Variants in DLC1 observed in about 807,000 individuals in gnomAD.
DLC1 encodes rho GTPase-activating protein 7.
Under a neutral mutation model 140.3 loss-of-function variants are expected in DLC1, and 54 were observed. That is an observed-to-expected ratio of 0.38 (90% CI 0.31 to 0.48). The LOEUF (loss-of-function observed/expected upper bound fraction) is 0.48. Ranked by LOEUF, DLC1 falls within the 20% of genes least tolerant of loss-of-function variation. DLC1 has a pLI of 0.96. For missense variants in DLC1, 2,536 were observed against 1,907.0 expected (o/e 1.33, Z -6.14); for synonymous variants, 986 against 728.1 (o/e 1.35, Z -5.70).
intron 5 of DLC1, among the ~76,000 whole-genome samples, chr8:13,185,433 G>C (rs202097172): frequency 6.6e-6 from 1 of 151,640 alleles, no homozygotes; most frequent in Admixed American, 6.6e-5. Context: ...TCAGCCTCCC[G>C]ACTAGCTGGG....
At chr8:13,376,969 T>C (rs929457664) in intron 4 of DLC1, among the ~76,000 whole-genome samples, 2 of 152,286 alleles carry the variant, frequency 1.3e-5, no homozygotes, top group Admixed American at 6.5e-5. Flanking sequence ...GGAAAAAAAA[T>C]CTGGTAGAAA....
intron 5 of DLC1, among the ~76,000 whole-genome samples, chr8:13,205,994 C>T (rs553050029): frequency 1.3e-5 from 2 of 152,214 alleles, no homozygotes; most frequent in South Asian, 4.2e-4. Context: ...TATAGATAGC[C>T]CCTTACTCTT....
At chr8:13,240,996 G>C (rs534965809) in intron 5 of DLC1, among the ~76,000 whole-genome samples, 1 of 152,158 alleles carries the variant, frequency 6.6e-6, no homozygotes, top group Admixed American at 6.5e-5. Flanking sequence ...AAGGGGTTGA[G>C]AGAGAAGGGG....
At chr8:13,254,176 A>G (rs1830119644) in intron 5 of DLC1, among the ~76,000 whole-genome samples, 1 of 148,842 alleles carries the variant, frequency 6.7e-6, no homozygotes, top group South Asian at 2.2e-4. Flanking sequence ...GACCCCCTAA[A>G]TAAAATTAAA....
At chr8:13,394,270 C>G (rs1003577220) in intron 3 of DLC1, among the ~76,000 whole-genome samples, 1 of 152,086 alleles carries the variant, frequency 6.6e-6, no homozygotes, top group African/African-American at 2.4e-5. Flanking sequence ...TCATTCAATT[C>G]CCTTGTTTGA....
chr8:13,455,637 C>G (rs371714582), intron 2 of DLC1, among the ~76,000 whole-genome samples: 1 of 152,180 alleles, frequency 6.6e-6, no homozygotes, highest in African/African-American at 2.4e-5. Flanking sequence ...CTCTGGCCAC[C>G]CTGTGCCTAA....
In DLC1 at chr8:13,085,245, A is replaced by G. The variant is rs867989772; in HGVS notation, c.*566T>C. On this transcript the variant is annotated 3_prime_UTR_variant, in exon 18 of 18. Transcript: ENST00000276297. ...CAGGGGTAGTCAGATATTCCAGGTTAAACTGAACCTGATGCATCAATCTCC... is the reference window on the plus strand; with the variant it reads ...CAGGGGTAGTCAGATATTCCAGGTTGAACTGAACCTGATGCATCAATCTCC... 6.5e-6 allele frequency: 1 copy of G among 152,788 alleles called. No individual in the cohort carries two copies. The highest frequency in any genetic ancestry group is 2.4e-5 in the African/African-American group (1 of 41,574). The allele number at this position is 152,788 out of a possible 1,614,324, so 9.5% of individuals were successfully genotyped here.
chr8:13,266,582 TA>T (rs1455864554), intron 5 of DLC1, among the ~76,000 whole-genome samples: 3 of 151,912 alleles, frequency 2.0e-5, no homozygotes, highest in Non-Finnish European at 4.4e-5. Context: ...CCATCTCTAC[TA>T]AAAATACAAA....
intron 2 of DLC1, among the ~76,000 whole-genome samples, chr8:13,436,511 C>G (rs756650232): frequency 6.6e-6 from 1 of 152,030 alleles, no homozygotes; most frequent in Non-Finnish European, 1.5e-5. Context: ...AAAACAGGTT[C>G]TTAGATTTTT....
chr8:13,491,933 CGGA>C (rs1563393964), intron 2 of DLC1, among the ~76,000 whole-genome samples: 1 of 152,114 alleles, frequency 6.6e-6, no homozygotes, highest in Non-Finnish European at 1.5e-5. Flanking sequence ...CTAAGCACTG[CGGA>C]CACAAGGTTG....
intron 5 of DLC1, chr8:13,132,886 T>C (rs878970095): frequency 6.5e-7 from 1 of 1,532,532 alleles, no homozygotes; most frequent in Non-Finnish European, 8.8e-7. Context: ...TCGCGGCGGG[T>C]CCCCTCCGCA....
intron 1 of DLC1, chr8:13,536,185 T>C (rs1294179220): frequency 6.6e-6 from 1 of 152,198 alleles, no homozygotes; most frequent in African/African-American, 2.4e-5. Context: ...TAGATCATAA[T>C]GAATGAAGAG....
chr8:13,321,015 C>T (rs1032821859), intron 4 of DLC1, among the ~76,000 whole-genome samples: 1 of 152,156 alleles, frequency 6.6e-6, no homozygotes, highest in Non-Finnish European at 1.5e-5. Flanking sequence ...CAGCACCATG[C>T]TTCTTGTACA....
chr8:13,512,261 TTCTC>T (rs1179039469), intron 1 of DLC1, among the ~76,000 whole-genome samples: 2 of 151,992 alleles, frequency 1.3e-5, no homozygotes, highest in Non-Finnish European at 2.9e-5. Flanking sequence ...TCGTGACACA[TTCTC>T]TCTAAGGAAA....
intron 5 of DLC1, among the ~76,000 whole-genome samples, chr8:13,257,098 C>T (rs975829455): frequency 6.6e-6 from 1 of 152,042 alleles, no homozygotes; most frequent in Non-Finnish European, 1.5e-5. Flanking sequence ...CCCTAAACTT[C>T]TGTAGCACTG....
chr8:13,528,766 T>A (rs896233214), intron 1 of DLC1, among the ~76,000 whole-genome samples: 16 of 152,146 alleles, frequency 1.1e-4, no homozygotes, highest in African/African-American at 3.9e-4. Flanking sequence ...AAACACCACA[T>A]TTGACTTTAA....
At chr8:13,575,342 T>G (rs1244379251) in intron 1 of DLC1, among the ~76,000 whole-genome samples, 2 of 152,010 alleles carry the variant, frequency 1.3e-5, no homozygotes, top group South Asian at 4.2e-4. Flanking sequence ...TAATGAGGGT[T>G]AGGAGGGGGG....
At chr8:13,135,204 CTTT>C (rs548207973) in intron 5 of DLC1, among the ~76,000 whole-genome samples, 20 of 131,188 alleles carry the variant, frequency 1.5e-4, no homozygotes, top group African/African-American at 1.7e-4. Flanking sequence ...AGTGAGAAGC[CTTT>C]TTTTTTTTTT....
Position 13,499,220 on chromosome 8 carries a change from G to C in DLC1, c.852C>G (p.Cys284Trp). Reference protein sequence around the residue: ...FGSCLLQPPSCPNGMSAENGL... With the variant: ...FGSCLLQPPSWPNGMSAENGL... ...CATTTTCAGCTGACATTCCATTGGGGCAGGAAGGAGGCTGCAGAAGGCAGC... is the reference window on the plus strand; with the variant it reads ...CATTTTCAGCTGACATTCCATTGGGCCAGGAAGGAGGCTGCAGAAGGCAGC... Residue 284 changes from cysteine to tryptophan, a missense_variant, in exon 2 of 18, where the codon TGC becomes TGG. Cys to Trp is a radical substitution (Grantham distance 215). Coordinates refer to ENST00000276297, the MANE Select transcript of DLC1 (RefSeq NM_182643.3). 6.2e-7 allele frequency: 1 copy of C among 1,614,168 alleles called. No homozygotes were observed. Among genetic ancestry groups the C allele is most frequent in the Non-Finnish European group, 8.5e-7 (1 of 1,180,020 alleles).
Sources: gnomAD v4.1 joint callset for allele counts (sites outside exome capture counted in the v4.1 genomes callset) on GRCh38, gnomAD v4.1.1 for gene constraint, MANE v1.5 for transcripts, NCBI Gene and HGNC (gene_info 2026-07-23, HGNC 2026-07-21) for gene names.